Variants in LOXL4 observed in about 807,000 individuals in gnomAD.
LOXL4 encodes the protein lysyl oxidase like 4.
LOXL4 carries 72 observed loss-of-function variants against 89.1 expected under a neutral mutation model. The observed-to-expected ratio is 0.81, with a 90% CI of 0.67 to 0.98. LOXL4 has a LOEUF of 0.98. LOXL4 is among the 50% of genes least tolerant of loss of function. The probability of loss-of-function intolerance (pLI) is 0.00; values close to 1 mark genes in which losing one functional copy is unlikely to be tolerated. For synonymous variants in LOXL4, 355 were observed against 392.1 expected (o/e 0.91, Z 1.12); for missense variants, 984 against 1,017.5 (o/e 0.97, Z 0.45).
At chr10:98,252,179 ACCT>A (rs1453819738) in intron 12 of LOXL4, 171 bp downstream of exon 12, 11 of 592,614 alleles carry the variant, frequency 1.9e-5, no homozygotes, top group Admixed American at 3.1e-5. Flanking sequence ...GGAAGTAAAA[ACCT>A]CCTGCGTAAG....
At chr10:98,251,969 C>T in intron 12 of LOXL4, 1 of 520,124 alleles carries the variant, frequency 1.9e-6, no homozygotes. Context: ...TGTGCATCCG[C>T]CTATCCATCC....
In LOXL4 at chr10:98,252,438, G is replaced by A; in HGVS notation, c.1866C>T (p.His622=). ...RHYHSIEVFT[H]YDLLTLNGSK... is the part of the protein sequence containing the mutation. Reference sequence around the variant, plus strand: ...AGCCATTGAGAGTGAGGAGGTCGTAGTGGGTGAAGACCTCAATGCTGTGGT... The same window carrying A: ...AGCCATTGAGAGTGAGGAGGTCGTAATGGGTGAAGACCTCAATGCTGTGGT... Residue 622 remains histidine (H), a synonymous_variant, in exon 12 of 15, where the codon CAC becomes CAT. Coordinates refer to ENST00000260702, the MANE Select transcript of LOXL4 (RefSeq NM_032211.7). The A allele has an allele frequency of 6.2e-7, 1 of 1,614,036 alleles. No homozygotes were observed. The highest frequency in any genetic ancestry group is 8.5e-7 in the Non-Finnish European group (1 of 1,179,912).
At chr10:98,253,151 C>T (rs1163924888) in intron 11 of LOXL4, among the ~76,000 whole-genome samples, 1 of 152,218 alleles carries the variant, frequency 6.6e-6, no homozygotes, top group East Asian at 1.9e-4. Flanking sequence ...AATCAGCGAG[C>T]TTTTCCTGCA....
At position 98,255,688 on chromosome 10, in the gene LOXL4, C is replaced by A. The variant is rs760848291; in HGVS notation, c.1480G>T (p.Gly494Trp). ...TPRAQEVVMS[G>W]VRCSGTELAL... ...AGCTCTGTGCCTGAGCAGCGCACCC[C>A]ACTCATCACCACCTCCTGGGCCCTT... The change falls in exon 10 of 15, where the codon GGG (glycine) becomes TGG (tryptophan). Residue 494 changes from glycine to tryptophan, a missense_variant. Physicochemically the swap from Gly to Trp is radical, Grantham distance 184. Coordinates refer to ENST00000260702, the MANE Select transcript of LOXL4 (RefSeq NM_032211.7). 4.3e-6 allele frequency: 7 copies of A among 1,613,582 alleles called. No individual in the cohort carries two copies. Among genetic ancestry groups the A allele is most frequent in the Non-Finnish European group, 5.1e-6 (6 of 1,179,510 alleles).
rs1160013691 is a variant in LOXL4, at chr10:98,248,483, C to T, written c.*438G>A. ...GATACAAGTTGTGTTGCTTTGAGCT[C>T]CTAGCAGAGAGCTAACACTACCTGC... On this transcript the variant is annotated 3_prime_UTR_variant, in exon 15 of 15. Coordinates refer to ENST00000260702, the MANE Select transcript of LOXL4 (RefSeq NM_032211.7). The T allele has an allele frequency of 6.3e-6, 1 of 157,542 alleles. No homozygotes were observed. The highest frequency in any genetic ancestry group is 1.4e-5 in the Non-Finnish European group (1 of 71,222). 9.8% of individuals were successfully genotyped at this position (157,542 alleles called of 1,614,324 possible).
intron 14 of LOXL4, 22 bp from the exon 15 acceptor site, chr10:98,249,013 G>A (rs779011480): frequency 1.2e-6 from 2 of 1,602,652 alleles, no homozygotes; most frequent in Non-Finnish European, 1.7e-6. Context: ...AGGAAAACAG[G>A]TAAGTAGCCA....
intron 9 of LOXL4, 173 bp downstream of exon 9, chr10:98,256,607 A>C: frequency 1.5e-6 from 1 of 681,154 alleles, no homozygotes; most frequent in Non-Finnish European, 2.5e-6. Flanking sequence ...CATTAGGACT[A>C]TGTCTTCTTG....
intron 1 of LOXL4, among the ~76,000 whole-genome samples, chr10:98,265,234 C>T (rs1361842708): frequency 6.6e-6 from 1 of 152,080 alleles, no homozygotes; most frequent in Non-Finnish European, 1.5e-5. Flanking sequence ...CTTGGGCCAG[C>T]GATTTAGTTT....
At chr10:98,249,617 C>T (rs753277993) in intron 14 of LOXL4, among the ~76,000 whole-genome samples, 2 of 152,236 alleles carry the variant, frequency 1.3e-5, no homozygotes, top group Non-Finnish European at 2.9e-5. Flanking sequence ...CTCAGACTCT[C>T]ACCCGAGTGT....
rs746512402 is a variant in LOXL4, at chr10:98,262,863, G to A, written c.157C>T (p.Gln53Ter). The A allele has an allele frequency of 6.2e-7, 1 of 1,613,720 alleles. No individual in the cohort carries two copies. The change falls in exon 2 of 15, where the codon CAG becomes TAG. Residue 53 changes from glutamine (Q) to a stop codon, truncating the protein, a stop_gained. Coordinates refer to ENST00000260702, the MANE Select transcript of LOXL4 (RefSeq NM_032211.7). LOFTEE classifies it high-confidence loss of function. ...EGRLEVLHQG[Q>*]WGTVCDDNFA... ...TTGTCATCACACACGGTGCCCCACT[G>A]GCCCTGGTGCAGCACCTCCAGGCGG...
At position 98,253,601 on chromosome 10, in the gene LOXL4, A is replaced by C. The variant is rs1554860275; in HGVS notation, c.1787T>G (p.Phe596Cys). Residue 596 changes from phenylalanine to cysteine, a missense_variant, in exon 11 of 15, where the codon TTT becomes TGT. Coordinates refer to ENST00000260702, the MANE Select transcript of LOXL4 (RefSeq NM_032211.7). Reference sequence around the variant, plus strand: ...GCTATCGCGTCCAGTCTTTGGACGAAAGTCAGTCCGGCCCAGATTGTAGAT... The same window carrying C: ...GCTATCGCGTCCAGTCTTTGGACGACAGTCAGTCCGGCCCAGATTGTAGAT... ...TQIYNLGRTD[F>C]RPKTGRDSWV... 5.0e-6 allele frequency: 8 copies of C among 1,614,142 alleles called. No homozygotes were observed. The highest frequency in any genetic ancestry group is 6.8e-6 in the Non-Finnish European group (8 of 1,180,054).
In LOXL4 at chr10:98,262,971, C is replaced by T. The variant is rs938529131; in HGVS notation, c.49G>A (p.Gly17Ser). The T allele has an allele frequency of 6.2e-7, 1 of 1,613,616 alleles. No individual in the cohort carries two copies. Among genetic ancestry groups the T allele is most frequent in the African/African-American group, 1.3e-5 (1 of 74,920 alleles). Reference protein sequence around the residue: ...ATLFLFLLLLGQPPPSRPQSL... With the variant: ...ATLFLFLLLLSQPPPSRPQSL... The stretch of plus-strand genomic sequence containing the variant: ...TGTGGCCTGCTGGGAGGGGGCTGGC[C>T]TAGCAGCAGCAGGAACAGAAAGAGG... Residue 17 changes from glycine to serine, a missense_variant, in exon 2 of 15, where the codon GGC (glycine) becomes AGC (serine). Coordinates refer to ENST00000260702, the MANE Select transcript of LOXL4 (RefSeq NM_032211.7).
Position 98,258,073 on chromosome 10 carries a change from TG to T in LOXL4, c.1012del (p.His338ThrfsTer33). On this transcript the variant is annotated frameshift_variant, in exon 7 of 15. Transcript: ENST00000260702. LOFTEE classifies it high-confidence loss of function. Reference protein sequence around the residue: ...MNRQWGTVCDHRWNLISASVV... With the variant: ...MNRQWGTVCDXRWNLISASVV... ...ACTGGCAGAGATGAGGTTCCACCTG[TG>T]GTCACAGACCGTGCCCCACTGGCGG... 1 of 1,613,746 alleles carries T rather than the reference TG, an allele frequency of 6.2e-7. No homozygotes were observed.
At chr10:98,254,398 C>T (rs1445361932) in intron 10 of LOXL4, among the ~76,000 whole-genome samples, 1 of 152,216 alleles carries the variant, frequency 6.6e-6, no homozygotes, top group African/African-American at 2.4e-5. Context: ...ATGCATGCCA[C>T]CTGGGCAGGC....
At position 98,255,584 on chromosome 10, in the gene LOXL4, G is replaced by A. The variant is rs757960724; in HGVS notation, c.1584C>T (p.Cys528=). 1.2e-6 allele frequency: 2 copies of A among 1,607,696 alleles called. No individual in the cohort carries two copies. The highest frequency in any genetic ancestry group is 1.7e-6 in the Non-Finnish European group (2 of 1,175,042). The part of the protein sequence containing the change: ...GGGRFLAGVS[C]MDSAPDLVMN... ...GAGCCCTCCGTCACTCACTGTCCATGCAGGAGACTCCAGCCAGGAAGCGCC... is the reference window on the plus strand; with the variant it reads ...GAGCCCTCCGTCACTCACTGTCCATACAGGAGACTCCAGCCAGGAAGCGCC... Residue 528 remains cysteine, a synonymous_variant, in exon 10 of 15, where the codon TGC becomes TGT. Coordinates refer to ENST00000260702, the MANE Select transcript of LOXL4 (RefSeq NM_032211.7).
In LOXL4 at chr10:98,251,711, A is replaced by G. The variant is rs1427969879; in HGVS notation, c.1952-9T>C. 2 of 1,613,902 alleles carry G rather than the reference A, an allele frequency of 1.2e-6. No homozygotes were observed. The highest frequency in any genetic ancestry group is 2.2e-5 in the South Asian group (2 of 91,048). The stretch of plus-strand genomic sequence containing the variant: ...GTAGCGCCGCTGCAGTCCTGTAAGG[A>G]AGGGGACAGACAGGTTTTGAGGCAG... On this transcript the variant is annotated splice_polypyrimidine_tract_variant and intron_variant, in intron 12 of 14. Transcript: ENST00000260702.
rs572836790 is a variant in LOXL4 at position 98,262,026 on chromosome 10, C to A, written c.456+9G>T. Reference sequence around the variant, plus strand: ...TTGGCTCAGACCAGAGCCTGAACAGCCTCCTCACCTGGGGCCCAAGGGCAT... The same window carrying A: ...TTGGCTCAGACCAGAGCCTGAACAGACTCCTCACCTGGGGCCCAAGGGCAT... On this transcript the variant is annotated intron_variant, in intron 3 of 14. Transcript: ENST00000260702. The A allele has an allele frequency of 3.9e-5, 63 of 1,598,414 alleles. 1 individual carries two copies. The South Asian group carries it at 6.6e-4, about 17-fold the overall frequency.
Position 98,257,447 on chromosome 10 carries a change from A to G in LOXL4, c.1260+203T>C, listed in dbSNP as rs564754762. On this transcript the variant is annotated intron_variant, in intron 8 of 14. Transcript: ENST00000260702. ...ACCCGAGACGGGTATGGGAGAGCAC[A>G]TCCATCTGCAGAGCCCCTGTGGCCT... 3.9e-5 allele frequency among the ~76,000 whole-genome samples: 6 copies of G among 152,242 alleles called. 1 individual carries two copies. The South Asian group carries it at 1.0e-3, about 26-fold the overall frequency.
chr10:98,261,014 C>G lies in LOXL4; in HGVS notation c.570G>C (p.Val190=). The change falls in exon 4 of 15, where the codon GTG becomes GTC. Residue 190 remains valine (V), a synonymous_variant. Transcript: ENST00000260702. ...TGTTCATGGTCCAGCCCTGGTCACA[C>G]ACCTGCCGCCAGTGGCCCTCATACT... ...EVKYEGHWRQ[V]CDQGWTMNNS... is the part of the protein sequence containing the mutation. The G allele has an allele frequency of 6.2e-7, 1 of 1,614,060 alleles. No homozygotes were observed. The highest frequency in any genetic ancestry group is 1.1e-5 in the South Asian group (1 of 91,086).
Sources: allele counts gnomAD v4.1 joint callset (sites outside exome capture counted in the v4.1 genomes callset), GRCh38; gene constraint gnomAD v4.1.1; transcripts MANE v1.5; gene names NCBI Gene and HGNC (gene_info 2026-07-23, HGNC 2026-07-21).